Variants in LIMCH1 observed in about 807,000 individuals in gnomAD.
LIMCH1 encodes LIM and calponin homology domains 1.
A neutral mutation model predicts 176.5 loss-of-function variants in LIMCH1; 113 were observed. The ratio of observed to expected loss-of-function variants is 0.64; its 90% CI spans 0.55 to 0.75. The LOEUF (loss-of-function observed/expected upper bound fraction) is 0.75. Ranked by LOEUF, LIMCH1 falls within the 30% of genes least tolerant of loss-of-function variation. The probability of loss-of-function intolerance (pLI) is 0.00; values close to 1 mark genes in which losing one functional copy is unlikely to be tolerated. For missense variants in LIMCH1, 1,674 were observed against 1,814.9 expected (o/e 0.92, Z 1.41); for synonymous variants, 619 against 645.9 (o/e 0.96, Z 0.63).
chr4:41,638,099 T>G (rs1387999964), intron 13 of LIMCH1, among the ~76,000 whole-genome samples: 1 of 113,842 alleles, frequency 8.8e-6, no homozygotes, highest in Non-Finnish European at 1.8e-5. Context: ...GGAGCTGTGT[T>G]GTTTTGTTGT....
chr4:41,615,180 TGTC>T (rs1411128701), intron 5 of LIMCH1, among the ~76,000 whole-genome samples: 1 of 152,224 alleles, frequency 6.6e-6, no homozygotes, highest in Non-Finnish European at 1.5e-5. Context: ...TTCCAAAACA[TGTC>T]TTAACCAAAC....
chr4:41,384,194 C>CTG (rs2056136694), intron 1 of LIMCH1, among the ~76,000 whole-genome samples: 2 of 151,384 alleles, frequency 1.3e-5, no homozygotes, highest in Non-Finnish European at 2.9e-5. Flanking sequence ...GGGTCCTTCA[C>CTG]ATTACATCCT....
At chr4:41,516,255 C>T (rs979674530) in intron 2 of LIMCH1, among the ~76,000 whole-genome samples, 1 of 152,130 alleles carries the variant, frequency 6.6e-6, no homozygotes, top group African/African-American at 2.4e-5. Context: ...CCTGGAAGTC[C>T]TTGGAAGAGG....
At position 41,644,484 on chromosome 4, in the gene LIMCH1, C is replaced by A. The variant is rs2093978208; in HGVS notation, c.2127-16C>A. 3.9e-6 allele frequency: 6 copies of A among 1,521,186 alleles called. No homozygotes were observed. In the East Asian group the frequency reaches 1.5e-4, roughly 39 times the overall value. 94.2% of individuals were successfully genotyped at this position (1,521,186 alleles called of 1,614,324 possible). On this transcript the variant is annotated splice_polypyrimidine_tract_variant and intron_variant, in intron 14 of 31. Transcript: ENST00000503057. ...CTGATCGCGGTCCCTCTTGTGTTCG[C>A]TCTCTCCACACTCAGGAGCACCAGC...
At chr4:41,425,337 A>G (rs962498352) in intron 1 of LIMCH1, among the ~76,000 whole-genome samples, 3 of 151,910 alleles carry the variant, frequency 2.0e-5, no homozygotes, top group African/African-American at 7.3e-5. Flanking sequence ...CTTGCTTTTC[A>G]GTATTCTCAG....
chr4:41,439,586 T>C (rs919656777), intron 1 of LIMCH1, among the ~76,000 whole-genome samples: 9 of 146,812 alleles, frequency 6.1e-5, no homozygotes, highest in African/African-American at 1.7e-4. Context: ...CCTGTCTCAT[T>C]AAAAAAAAAA....
At chr4:41,392,833 C>A (rs554384486) in intron 1 of LIMCH1, among the ~76,000 whole-genome samples, 2 of 152,054 alleles carry the variant, frequency 1.3e-5, no homozygotes, top group African/African-American at 4.8e-5. Context: ...GAATTCGAGA[C>A]CAGCCTGGGC....
intron 1 of LIMCH1, among the ~76,000 whole-genome samples, chr4:41,556,664 G>A (rs2081313841): frequency 6.6e-6 from 1 of 152,146 alleles, no homozygotes; most frequent in African/African-American, 2.4e-5. Flanking sequence ...CATATCTTAA[G>A]CAGCAGCTGA....
At chr4:41,619,844 G>A in intron 6 of LIMCH1, 1 of 217,652 alleles carries the variant, frequency 4.6e-6, no homozygotes. Context: ...AAATTAACTT[G>A]ATATAAGCTC....
At chr4:41,626,494 A>C (rs1402450101) in intron 7 of LIMCH1, among the ~76,000 whole-genome samples, 6 of 152,178 alleles carry the variant, frequency 3.9e-5, no homozygotes, top group Admixed American at 3.9e-4. Flanking sequence ...AAATTAAATG[A>C]ATTTTTAGTA....
chr4:41,586,993 A>G (rs2086613265), intron 1 of LIMCH1, among the ~76,000 whole-genome samples: 1 of 152,214 alleles, frequency 6.6e-6, no homozygotes, highest in African/African-American at 2.4e-5. Context: ...AAGCTCTTCC[A>G]AGCAGAGTTA....
At chr4:41,687,963 A>G (rs376683511) in intron 29 of LIMCH1, 46 bp downstream of exon 29, 6 of 1,455,576 alleles carry the variant, frequency 4.1e-6, no homozygotes, top group Middle Eastern at 1.7e-4. Context: ...TGTTATGACT[A>G]GAGCTTGCCA....
intron 1 of LIMCH1, among the ~76,000 whole-genome samples, chr4:41,369,030 T>C (rs531396582): frequency 2.8e-4 from 42 of 152,310 alleles, no homozygotes; most frequent in Non-Finnish European, 5.4e-4. Context: ...CCCACAGATG[T>C]CTTCTCATTT....
intron 1 of LIMCH1, among the ~76,000 whole-genome samples, chr4:41,369,959 T>TGTGTGTGTGTGTGTGTGTGTGTG (rs57269261): frequency 1.5e-4 from 21 of 144,292 alleles, no homozygotes; most frequent in Middle Eastern, 3.7e-3. Flanking sequence ...TGTGTGTGTG[T>TGTGTGTGTGTGTGTGTGTGTGTG]TTTGTAGTGA....
intron 1 of LIMCH1, among the ~76,000 whole-genome samples, chr4:41,473,832 A>G (rs1001028088): frequency 6.6e-6 from 1 of 152,236 alleles, no homozygotes; most frequent in Non-Finnish European, 1.5e-5. Context: ...TGTCCAAAAT[A>G]TAGAAGGAAC....
chr4:41,663,235 C>T (rs535706635), intron 20 of LIMCH1, among the ~76,000 whole-genome samples: 2 of 150,956 alleles, frequency 1.3e-5, no homozygotes, highest in South Asian at 2.1e-4. Flanking sequence ...CTCACCACAA[C>T]TTCTACCTCC....
chr4:41,673,396 C>A (rs115140976), intron 22 of LIMCH1, among the ~76,000 whole-genome samples: 2 of 152,278 alleles, frequency 1.3e-5, no homozygotes, highest in Non-Finnish European at 2.9e-5. Context: ...GAAACACATT[C>A]GCATTTCTTG....
chr4:41,367,559 G>A (rs750616289), intron 1 of LIMCH1, among the ~76,000 whole-genome samples: 5 of 151,866 alleles, frequency 3.3e-5, no homozygotes, highest in Admixed American at 6.6e-5. Context: ...AATCAAGGTC[G>A]GCTAGGTGCG....
chr4:41,635,202 A>G (rs2093519666), intron 13 of LIMCH1, among the ~76,000 whole-genome samples: 2 of 151,732 alleles, frequency 1.3e-5, no homozygotes, highest in Admixed American at 1.3e-4. Flanking sequence ...GAGTAACTAG[A>G]GGAGACTGTG....
Sources: allele counts gnomAD v4.1 joint callset (sites outside exome capture counted in the v4.1 genomes callset), GRCh38; gene constraint gnomAD v4.1.1; transcripts MANE v1.5; gene names NCBI Gene and HGNC (gene_info 2026-07-23, HGNC 2026-07-21).